The following ARAP3 variants were observed in gnomAD, a reference collection of about 807,000 sequenced individuals.
ARAP3 encodes ArfGAP with RhoGAP domain, ankyrin repeat and PH domain 3, also known as arf-GAP with Rho-GAP domain, ANK repeat and PH domain-containing protein 3.
A neutral mutation model predicts 169.2 loss-of-function variants in ARAP3; 82 were observed. The ratio of observed to expected loss-of-function variants is 0.48; its 90% CI spans 0.41 to 0.58. ARAP3 has a LOEUF of 0.58. ARAP3 is among the 20% of genes least tolerant of loss of function. The probability of loss-of-function intolerance (pLI) is 0.00; values close to 1 mark genes in which losing one functional copy is unlikely to be tolerated. For missense variants in ARAP3, 1,764 were observed against 2,018.0 expected (o/e 0.87, Z 2.41); for synonymous variants, 791 against 800.3 (o/e 0.99, Z 0.20).
chr5:141,672,942 A>G lies in ARAP3; in HGVS notation c.1094-17T>C. 1 of 1,612,240 alleles carries G rather than the reference A, an allele frequency of 6.2e-7. No individual in the cohort carries two copies. The highest frequency in any genetic ancestry group is 8.5e-7 in the Non-Finnish European group (1 of 1,178,806). On this transcript the variant is annotated splice_polypyrimidine_tract_variant and intron_variant, in intron 7 of 32. Coordinates refer to ENST00000239440, the MANE Select transcript of ARAP3 (RefSeq NM_022481.6). This position sits in a 1 kb window ranked among gnomAD's most constrained non-coding sequence, Gnocchi z 4.9. ...CCCGCTGAGCTGGTGGGGATGGAGA[A>G]GCAGGTCAGTGGCTGTTGCTCACAC...
At chr5:141,677,377 C>T (rs556089086) in intron 4 of ARAP3, among the ~76,000 whole-genome samples, 8 of 152,262 alleles carry the variant, frequency 5.3e-5, no homozygotes, top group Non-Finnish European at 4.4e-5. Context: ...GGATACTAGC[C>T]GCATTTCATA....
chr5:141,673,843 A>G, intron 4 of ARAP3, 35 bp from the exon 5 acceptor site: 1 of 1,605,952 alleles, frequency 6.2e-7, no homozygotes, highest in Non-Finnish European at 8.5e-7. Flanking sequence ...GACACACATT[A>G]GACAAGTACC....
Position 141,680,497 on chromosome 5 carries a change from G to T in ARAP3, c.-11C>A. ...CTGAGGGGCAGCCATGGGGGCTCAG[G>T]CCATTGCTGGGGGGAGGGGCAGGGT... On this transcript the variant is annotated 5_prime_UTR_variant, in exon 2 of 33. Transcript: ENST00000239440. The T allele has an allele frequency of 6.3e-7, 1 of 1,579,616 alleles. No individual in the cohort carries two copies. Among genetic ancestry groups the T allele is most frequent in the Non-Finnish European group, 8.6e-7 (1 of 1,164,822 alleles).
At position 141,656,252 on chromosome 5, in the gene ARAP3, G is replaced by C; in HGVS notation, c.3814C>G (p.Pro1272Ala). The part of the protein sequence containing the change: ...KKSSKPEREW[P>A]LEGAKVYLGI... ...AGGTAGACCTTGGCACCTTCCAAAG[G>C]CCACTCCCGTTCTGGTTTAGAGCTC... The change falls in exon 28 of 33, where the codon CCT (proline) becomes GCT (alanine). Residue 1272 changes from proline (P) to alanine (A), a missense_variant. By Grantham distance (27) the Pro-to-Ala change is conservative (BLOSUM62 -1). Around this residue, in one of 3 missense-constraint regions of ARAP3, gnomAD observed 1,112 missense variants for 1,285.7 expected, o/e 0.86. Transcript: ENST00000239440. The C allele has an allele frequency of 6.2e-7, 1 of 1,614,174 alleles. No homozygotes were observed. The highest frequency in any genetic ancestry group is 8.5e-7 in the Non-Finnish European group (1 of 1,180,036).
intron 18 of ARAP3, 71 bp downstream of exon 18, chr5:141,665,240 C>T: frequency 6.3e-7 from 1 of 1,584,614 alleles, no homozygotes; most frequent in Non-Finnish European, 8.6e-7. Flanking sequence ...AATGGCCCAG[C>T]AGGCCAGGTT....
At position 141,680,301 on chromosome 5, in the gene ARAP3, T is replaced by C. The variant is rs11167756; in HGVS notation, c.186A>G (p.Leu62=). The change falls in exon 2 of 33, where the codon CTA becomes CTG. Residue 62 remains leucine (L), a synonymous_variant. Transcript: ENST00000239440. ...TGHRKRILRL[L]QTGTEEGSLD... ...GGGAGCCCTCTTCGGTGCCTGTCTG[T>C]AGCAGGCGTAGAATGCGTTTCCGGT... The C allele has an allele frequency of 0.43, 694,088 of 1,614,010 alleles. 150,764 individuals are homozygous for C. The highest frequency in any genetic ancestry group is 0.52 in the Admixed American group (31,297 of 60,016).
rs1368467433 is a variant in ARAP3 at position 141,671,359 on chromosome 5, G to A, written c.1896C>T (p.Asn632=). Reference sequence around the variant, plus strand: ...CCTCAACACAGAGGAGCTGGGTCATGTTCTTCAGCAGGTTGGGTCTTGCCA... The same window carrying A: ...CCTCAACACAGAGGAGCTGGGTCATATTCTTCAGCAGGTTGGGTCTTGCCA... ...AAVARPNLLK[N]MTQLLCVEAF... The change falls in exon 13 of 33, where the codon AAC becomes AAT. Residue 632 remains asparagine, a synonymous_variant. Transcript: ENST00000239440. This position sits in a 1 kb window ranked among gnomAD's most constrained non-coding sequence, Gnocchi z 4.9. The A allele has an allele frequency of 6.2e-7, 1 of 1,613,664 alleles. No homozygotes were observed. The highest frequency in any genetic ancestry group is 1.7e-5 in the Admixed American group (1 of 59,946).
chr5:141,658,758 G>A (rs1328123977), intron 23 of ARAP3, 105 bp from the exon 24 acceptor site: 3 of 1,011,554 alleles, frequency 3.0e-6, no homozygotes, highest in African/African-American at 1.6e-5. Context: ...TCCAACAAAG[G>A]TCTCCTCCCA....
chr5:141,670,712 A>G (rs2099911305), intron 13 of ARAP3, 84 bp from the exon 14 acceptor site: 5 of 1,180,216 alleles, frequency 4.2e-6, no homozygotes, highest in South Asian at 1.3e-5. Flanking sequence ...GAAATGGAGA[A>G]AGACAGTGGG....
At chr5:141,681,326 C>G (rs2099912943) in intron 1 of ARAP3, among the ~76,000 whole-genome samples, 1 of 152,238 alleles carries the variant, frequency 6.6e-6, no homozygotes, top group South Asian at 2.1e-4. Flanking sequence ...TGTGTGTGCA[C>G]ATGCCCTGTA....
chr5:141,659,355 G>A, intron 23 of ARAP3, 53 bp downstream of exon 23: 3 of 1,545,874 alleles, frequency 1.9e-6, no homozygotes, highest in Non-Finnish European at 8.9e-7. Flanking sequence ...TCAGCTTCCT[G>A]TCCTGATGTC....
Position 141,680,038 on chromosome 5 carries a change from T to G in ARAP3, c.449A>C (p.Asn150Thr), listed in dbSNP as rs755649711. ...GGAATTAGGCATCATCTCCACAGTA[T>G]TTAGGGCTGAAGACTGCTCAGAGGA... Reference protein sequence around the residue: ...TSSSEQSSALNTVEMMPNSIY... With the variant: ...TSSSEQSSALTTVEMMPNSIY... The change falls in exon 2 of 33, where the codon AAT (asparagine) becomes ACT (threonine). Residue 150 changes from asparagine to threonine, a missense_variant. By Grantham distance (65) the Asn-to-Thr change is moderately conservative. This residue lies in a region of ARAP3 where 630 missense variants were observed against 678.7 expected (regional missense o/e 0.93). Coordinates refer to ENST00000239440, the MANE Select transcript of ARAP3 (RefSeq NM_022481.6). 6.2e-7 allele frequency: 1 copy of G among 1,614,134 alleles called. No individual in the cohort carries two copies. Among genetic ancestry groups the G allele is most frequent in the Admixed American group, 1.7e-5 (1 of 60,022 alleles).
intron 32 of ARAP3, 109 bp downstream of exon 32, chr5:141,655,253 C>T: frequency 8.4e-7 from 1 of 1,193,380 alleles, no homozygotes; most frequent in Middle Eastern, 2.0e-4. Context: ...CACACACACA[C>T]ACACACCCCC....
intron 6 of ARAP3, 35 bp downstream of exon 6, chr5:141,673,366 T>C (rs1406518105): frequency 1.2e-6 from 2 of 1,612,388 alleles, no homozygotes; most frequent in East Asian, 4.5e-5. Context: ...TCCCTCTCCC[T>C]CATCTCCATA....
In ARAP3 at chr5:141,654,228, A is replaced by G. The variant is rs771594090; in HGVS notation, c.4357T>C (p.Ser1453Pro). ...CTCTCCTCCTGGCCAAGGGTGCTTG[A>G]CTTGGAGAGAAAGGGTTGATCCAAT... ...KSLDQPFLSK[S>P]STLGQEERPP... Residue 1453 changes from serine to proline, a missense_variant, in exon 33 of 33, where the codon TCA (serine) becomes CCA (proline). Ser to Pro is a moderately conservative substitution (Grantham distance 74). Transcript: ENST00000239440. The G allele has an allele frequency of 2.5e-6, 4 of 1,613,938 alleles. No homozygotes were observed. The African/African-American group carries it at 4.0e-5, about 16-fold the overall frequency.
At position 141,672,519 on chromosome 5, in the gene ARAP3, C is replaced by T; in HGVS notation, c.1385+33G>A. The T allele has an allele frequency of 6.2e-7, 1 of 1,611,114 alleles. No individual in the cohort carries two copies. Among genetic ancestry groups the T allele is most frequent in the Non-Finnish European group, 8.5e-7 (1 of 1,178,542 alleles). ...ACCCTTGTGCCTCCCGCAAAAGTCC[C>T]CCAGCCTTGCCTCCCACTGGCCCAG... is the stretch of plus-strand genomic sequence containing the variant. On this transcript the variant is annotated intron_variant, in intron 9 of 32. Coordinates refer to ENST00000239440, the MANE Select transcript of ARAP3 (RefSeq NM_022481.6). This position sits in a 1 kb window ranked among gnomAD's most constrained non-coding sequence, Gnocchi z 4.9.
At chr5:141,681,257 G>A (rs937950762) in intron 1 of ARAP3, among the ~76,000 whole-genome samples, 4 of 152,270 alleles carry the variant, frequency 2.6e-5, no homozygotes, top group Admixed American at 1.3e-4. Context: ...CTGGTCAGGG[G>A]TACTCCAGAG....
Position 141,666,467 on chromosome 5 carries a change from TG to T in ARAP3, c.2528del (p.Pro843GlnfsTer72), listed in dbSNP as rs1286143522. The T allele has an allele frequency of 3.8e-6, 6 of 1,596,934 alleles. No individual in the cohort carries two copies. The highest frequency in any genetic ancestry group is 2.3e-5 in the East Asian group (1 of 43,516). On this transcript the variant is annotated frameshift_variant, in exon 17 of 33. Coordinates refer to ENST00000239440, the MANE Select transcript of ARAP3 (RefSeq NM_022481.6). LOFTEE classifies it high-confidence loss of function. ...FLCSAPGPGP[P>X]APEDMVHLRR... ...GCAGATGCACCATGTCCTCAGGGGC[TG>T]GGGGGCCTGGGCCCGGCGCTGAGCA...
chr5:141,659,946 T>A lies in ARAP3; in HGVS notation c.3120-20A>T. ...TGCACCCTGCAGAGGGGTGCCACGG[T>A]CTTCATCAGTGTAGCCACTCATTCA... is the stretch of plus-strand genomic sequence containing the variant. On this transcript the variant is annotated intron_variant, in intron 21 of 32. Coordinates refer to ENST00000239440, the MANE Select transcript of ARAP3 (RefSeq NM_022481.6). The A allele has an allele frequency of 6.5e-7, 1 of 1,540,394 alleles. No individual in the cohort carries two copies. The highest frequency in any genetic ancestry group is 8.8e-7 in the Non-Finnish European group (1 of 1,136,668).
Sources: allele counts gnomAD v4.1 joint callset (sites outside exome capture counted in the v4.1 genomes callset), GRCh38; gene constraint gnomAD v4.1.1; regional missense constraint gnomAD v4.1.1; non-coding constraint Gnocchi (gnomAD v3.1); transcripts MANE v1.5; gene names NCBI Gene and HGNC (gene_info 2026-07-23, HGNC 2026-07-21).